RPS6KC1: variants seen among roughly 807,000 people sequenced by gnomAD.
The protein encoded by RPS6KC1 is ribosomal protein S6 kinase C1.
Under a neutral mutation model 103.8 loss-of-function variants are expected in RPS6KC1, and 54 were observed. The ratio of observed to expected loss-of-function variants is 0.52; its 90% CI spans 0.42 to 0.65. The LOEUF (loss-of-function observed/expected upper bound fraction) is 0.65, where lower values mean the gene tolerates loss of function less well. RPS6KC1 is among the 30% of genes least tolerant of loss of function. The probability of loss-of-function intolerance (pLI) is 0.00; values close to 1 mark genes in which losing one functional copy is unlikely to be tolerated. For missense variants in RPS6KC1, 1,151 were observed against 1,253.8 expected (o/e 0.92, Z 1.24); for synonymous variants, 439 against 438.7 (o/e 1.00, Z -0.01).
At chr1:213,631,271 A>T in the RPS6KC1 span, among the ~76,000 whole-genome samples, 1 of 151,844 alleles carries the variant, frequency 6.6e-6, no homozygotes, top group African/African-American at 2.4e-5. Flanking sequence ...CCTCAGCTGG[A>T]AATGCAGAAA....
At chr1:213,065,555 G>A (rs1273676944) in intron 1 of RPS6KC1, among the ~76,000 whole-genome samples, 1 of 152,144 alleles carries the variant, frequency 6.6e-6, no homozygotes, top group African/African-American at 2.4e-5. Context: ...TAGCCATTTT[G>A]TGGTTTTCGT....
the RPS6KC1 span, among the ~76,000 whole-genome samples, chr1:213,410,431 A>T: frequency 6.6e-6 from 1 of 152,146 alleles, no homozygotes; most frequent in Non-Finnish European, 1.5e-5. Context: ...GGGCCTCCAA[A>T]GTCTTTGTGA....
intron 4 of RPS6KC1, among the ~76,000 whole-genome samples, chr1:213,105,487 G>T (rs1173096744): frequency 8.2e-6 from 1 of 121,676 alleles, no homozygotes; most frequent in Non-Finnish European, 1.8e-5. Flanking sequence ...TCTGATTTTA[G>T]TGGATCTACA....
the RPS6KC1 span, among the ~76,000 whole-genome samples, chr1:213,806,778 C>A: frequency 6.8e-6 from 1 of 146,336 alleles, no homozygotes; most frequent in African/African-American, 2.5e-5. Context: ...AGTCCATTTA[C>A]ATTTAAAGTT....
the RPS6KC1 span, among the ~76,000 whole-genome samples, chr1:213,567,923 A>G: frequency 6.6e-6 from 1 of 152,146 alleles, no homozygotes; most frequent in Non-Finnish European, 1.5e-5. Flanking sequence ...TCCTGTAATA[A>G]CTTTATTTCT....
chr1:213,626,437 C>A, the RPS6KC1 span, among the ~76,000 whole-genome samples: 2 of 152,132 alleles, frequency 1.3e-5, no homozygotes. Flanking sequence ...TTAATTAGAT[C>A]CCATTTGTCA....
chr1:213,208,132 C>G (rs1415405665), intron 8 of RPS6KC1, among the ~76,000 whole-genome samples: 1 of 152,156 alleles, frequency 6.6e-6, no homozygotes, highest in Non-Finnish European at 1.5e-5. Flanking sequence ...CTCTGTCTCC[C>G]AACCCTCTGA....
chr1:213,563,972 C>CTTTTTTTTTTTTTTTTTTTT, the RPS6KC1 span, among the ~76,000 whole-genome samples: 1 of 134,398 alleles, frequency 7.4e-6, no homozygotes, highest in Non-Finnish European at 1.6e-5. Context: ...TTGCTTACCT[C>CTTTTTTTTTTTTTTTTTTTT]TTTTTTTTTT....
At chr1:213,390,790 C>T in the RPS6KC1 span, among the ~76,000 whole-genome samples, 1 of 152,134 alleles carries the variant, frequency 6.6e-6, no homozygotes, top group South Asian at 2.1e-4. Flanking sequence ...TTGCTTCCTG[C>T]CCTCCTGGGA....
chr1:213,498,610 A>G, the RPS6KC1 span, among the ~76,000 whole-genome samples: 2 of 151,528 alleles, frequency 1.3e-5, no homozygotes, highest in Non-Finnish European at 2.9e-5. Flanking sequence ...GCCTGCCACC[A>G]TGCCTGGCTA....
chr1:213,352,796 T>C, the RPS6KC1 span, among the ~76,000 whole-genome samples: 1 of 152,098 alleles, frequency 6.6e-6, no homozygotes, highest in African/African-American at 2.4e-5. Context: ...AATCTCAGCA[T>C]TGGGAGGCTG....
the RPS6KC1 span, among the ~76,000 whole-genome samples, chr1:213,482,540 GTTTTTTTTTTT>G: frequency 3.3e-5 from 2 of 61,150 alleles, no homozygotes; most frequent in African/African-American, 6.4e-5. Context: ...CTAACTTGAG[GTTTTTTTTTTT>G]TTTTTTTTTT....
intron 6 of RPS6KC1, among the ~76,000 whole-genome samples, chr1:213,140,905 C>CT (rs34127512): frequency 1.3e-3 from 49 of 36,928 alleles, no homozygotes; most frequent in South Asian, 2.2e-3. Flanking sequence ...TTTTTTTTTT[C>CT]TTTTTTTTTT....
the RPS6KC1 span, among the ~76,000 whole-genome samples, chr1:213,801,949 C>A: frequency 6.6e-6 from 1 of 152,148 alleles, no homozygotes; most frequent in African/African-American, 2.4e-5. Context: ...AAGACAACTG[C>A]CCAGTAGATT....
chr1:213,674,018 A>C, the RPS6KC1 span, among the ~76,000 whole-genome samples: 2 of 151,758 alleles, frequency 1.3e-5, no homozygotes, highest in Non-Finnish European at 2.9e-5. Context: ...CCCAGTGTCT[A>C]TTGTACCATT....
chr1:213,206,592 C>T (rs937476038), intron 8 of RPS6KC1, among the ~76,000 whole-genome samples: 1 of 152,178 alleles, frequency 6.6e-6, no homozygotes, highest in Non-Finnish European at 1.5e-5. Context: ...AGTTCAAAGT[C>T]TTAGAAAGTC....
chr1:213,515,347 GT>G, the RPS6KC1 span, among the ~76,000 whole-genome samples: 2 of 152,300 alleles, frequency 1.3e-5, no homozygotes, highest in East Asian at 3.9e-4. Flanking sequence ...TTCTTCTAGG[GT>G]TTTTACGTTG....
the RPS6KC1 span, among the ~76,000 whole-genome samples, chr1:213,784,951 G>C: frequency 6.6e-6 from 1 of 152,120 alleles, no homozygotes; most frequent in Non-Finnish European, 1.5e-5. Flanking sequence ...AATAACTGCT[G>C]ATCCCTGGCA....
chr1:213,628,833 G>A, the RPS6KC1 span, among the ~76,000 whole-genome samples: 55,832 of 151,990 alleles, frequency 0.37, 11,317 homozygotes, highest in Non-Finnish European at 0.46. Flanking sequence ...CCTTCATTTC[G>A]TTATGTACCC....
Sources: gnomAD v4.1 joint callset for allele counts (sites outside exome capture counted in the v4.1 genomes callset) on GRCh38, gnomAD v4.1.1 for gene constraint, MANE v1.5 for transcripts, NCBI Gene and HGNC (gene_info 2026-07-23, HGNC 2026-07-21) for gene names.